The following AIMP1 variants were observed in gnomAD, a reference collection of about 807,000 sequenced individuals.
AIMP1 encodes aminoacyl tRNA synthase complex-interacting multifunctional protein 1.
A neutral mutation model predicts 33.1 loss-of-function variants in AIMP1; 24 were observed. The ratio of observed to expected loss-of-function variants is 0.73; its 90% CI spans 0.53 to 1.02. The LOEUF is 1.02. Ranked by LOEUF, AIMP1 falls within the 50% of genes least tolerant of loss-of-function variation. AIMP1 has a pLI of 0.00. For synonymous variants in AIMP1, 120 were observed against 121.5 expected, an observed-to-expected ratio of 0.99 and a Z score of 0.08; for missense variants, 367 against 364.8, an observed-to-expected ratio of 1.01 and a Z score of -0.05.
intron 5 of AIMP1, among the ~76,000 whole-genome samples, chr4:106,335,525 G>T (rs1392296754): frequency 6.6e-6 from 1 of 152,050 alleles, no homozygotes; most frequent in African/African-American, 2.4e-5. Flanking sequence ...TTTGTAGGTG[G>T]TACATTTTTC....
At chr4:106,347,137 C>T (rs1467708375) in intron 6 of AIMP1, among the ~76,000 whole-genome samples, 1 of 152,104 alleles carries the variant, frequency 6.6e-6, no homozygotes, top group African/African-American at 2.4e-5. Flanking sequence ...AATCCAATCA[C>T]CTCCACCAGG....
At chr4:106,320,516 G>C (rs1454698648) in intron 1 of AIMP1, among the ~76,000 whole-genome samples, 1 of 152,112 alleles carries the variant, frequency 6.6e-6, no homozygotes, top group Non-Finnish European at 1.5e-5. Context: ...CTTACTTAAA[G>C]ACATTCACAT....
chr4:106,316,199 T>G, upstream of AIMP1: 1 of 203,638 alleles, frequency 4.9e-6, no homozygotes, highest in Non-Finnish European at 1.0e-5. Context: ...GATCCGAGCT[T>G]TTCACCCTCT....
intron 6 of AIMP1, among the ~76,000 whole-genome samples, chr4:106,346,978 C>G (rs1226426708): frequency 3.3e-5 from 5 of 152,046 alleles, no homozygotes; most frequent in African/African-American, 4.8e-5. Context: ...TCGTGGCAGT[C>G]AAAGCAAGTC....
intron 6 of AIMP1, among the ~76,000 whole-genome samples, chr4:106,343,004 G>A (rs538564561): frequency 7.3e-5 from 11 of 150,562 alleles, no homozygotes; most frequent in African/African-American, 2.2e-4. Flanking sequence ...TTTTAGGCTC[G>A]AGCCAACCTC....
At chr4:106,345,238 A>G (rs1561034017) in intron 6 of AIMP1, among the ~76,000 whole-genome samples, 1 of 152,182 alleles carries the variant, frequency 6.6e-6, no homozygotes, top group African/African-American at 2.4e-5. Context: ...ATTCTTTATA[A>G]GAAGCCTGTA....
Position 106,328,122 on chromosome 4 carries a change from T to A in AIMP1, c.270T>A (p.Ser90=). Residue 90 remains serine (S), a synonymous_variant, in exon 4 of 7, where the codon TCT becomes TCA. Coordinates refer to ENST00000672341, the MANE Select transcript of AIMP1 (RefSeq NM_001142416.2). ...FPSGTPLHAN[S]MVSENVIQST... ...CTGGTACTCCACTGCACGCTAATTC[T>A]ATGGTTTCTGAAAATGTGATACAGT... is the stretch of plus-strand genomic sequence containing the variant. The A allele has an allele frequency of 6.2e-7, 1 of 1,613,608 alleles. No homozygotes were observed. Among genetic ancestry groups the A allele is most frequent in the African/African-American group, 1.3e-5 (1 of 75,020 alleles).
chr4:106,344,161 C>T (rs1770205019), intron 6 of AIMP1, among the ~76,000 whole-genome samples: 2 of 152,134 alleles, frequency 1.3e-5, no homozygotes, highest in South Asian at 4.1e-4. Flanking sequence ...TTTGATGATT[C>T]TTCCTTACCT....
At chr4:106,338,896 C>G (rs1298443470) in intron 6 of AIMP1, among the ~76,000 whole-genome samples, 3 of 152,174 alleles carry the variant, frequency 2.0e-5, no homozygotes, top group Admixed American at 1.3e-4. Flanking sequence ...GCTGTGGGAG[C>G]CCACCTGTTG....
Position 106,331,807 on chromosome 4 carries a change from T to C in AIMP1, c.527T>C (p.Val176Ala). The change falls in exon 5 of 7, where the codon GTG becomes GCG. Residue 176 changes from valine to alanine, a missense_variant. Coordinates refer to ENST00000672341, the MANE Select transcript of AIMP1 (RefSeq NM_001142416.2). ...CACCCTGATGCAGATTCTTTGTATGTGGAAGAAGTAGATGTCGGAGAAATA... is the reference window on the plus strand; with the variant it reads ...CACCCTGATGCAGATTCTTTGTATGCGGAAGAAGTAGATGTCGGAGAAATA... ...RKHPDADSLY[V>A]EEVDVGEIAP... is the part of the protein sequence containing the mutation. 1 of 1,614,164 alleles carries C rather than the reference T, an allele frequency of 6.2e-7. No individual in the cohort carries two copies. The highest frequency in any genetic ancestry group is 8.5e-7 in the Non-Finnish European group (1 of 1,179,994).
intron 1 of AIMP1, chr4:106,321,471 G>C (rs924458312): frequency 1.3e-5 from 2 of 155,340 alleles, no homozygotes; most frequent in Non-Finnish European, 2.8e-5. Context: ...GTCTCTGACC[G>C]GCTGCCCGGT....
rs184999759 is a variant in AIMP1, at chr4:106,328,175, G to C, written c.323G>C (p.Gly108Ala). 48 of 1,612,974 alleles carry C rather than the reference G, an allele frequency of 3.0e-5. No homozygotes were observed. Among genetic ancestry groups the C allele is most frequent in the Non-Finnish European group, 4.0e-5 (47 of 1,179,486 alleles). The change falls in exon 4 of 7, where the codon GGT becomes GCT. Residue 108 changes from glycine to alanine, a missense_variant. Physicochemically the swap from Gly to Ala is moderately conservative, Grantham distance 60. Coordinates refer to ENST00000672341, the MANE Select transcript of AIMP1 (RefSeq NM_001142416.2). ...QSTAVTTVSS[G>A]TKEQIKGGTG... ...ACAGCAGTAACAACCGTATCTTCTG[G>C]TACCAAAGAACAGATAAAAGGAGGA...
At chr4:106,316,405 C>G, upstream of AIMP1, 1 of 747,464 alleles carries the variant, frequency 1.3e-6, no homozygotes, top group Non-Finnish European at 2.3e-6. Flanking sequence ...AGACGAGGAG[C>G]GTGGTATGGC....
intron 6 of AIMP1, among the ~76,000 whole-genome samples, chr4:106,342,945 C>T (rs1010011103): frequency 6.9e-6 from 1 of 144,416 alleles, no homozygotes; most frequent in Non-Finnish European, 1.5e-5. Context: ...GGTTCTGTAA[C>T]CCAGGTTGGA....
chr4:106,341,073 A>G (rs1770080250), intron 6 of AIMP1, among the ~76,000 whole-genome samples: 1 of 151,916 alleles, frequency 6.6e-6, no homozygotes, highest in Admixed American at 6.6e-5. Flanking sequence ...GTGTCTTTTC[A>G]TGTTCTTTGT....
rs1041406381 is a variant in AIMP1 at position 106,348,518 on chromosome 4, A to G, written c.*826A>G. 3 of 151,706 alleles carry G rather than the reference A, an allele frequency of 2.0e-5. No homozygotes were observed. Among genetic ancestry groups the G allele is most frequent in the African/African-American group, 7.3e-5 (3 of 41,270 alleles). The allele number at this position is 151,706 out of a possible 1,614,324, so 9.4% of individuals were successfully genotyped here. A position where few individuals can be genotyped will look rare whatever the true frequency, so the allele number is the denominator to read the frequency against. On this transcript the variant is annotated 3_prime_UTR_variant, in exon 7 of 7. Coordinates refer to ENST00000672341, the MANE Select transcript of AIMP1 (RefSeq NM_001142416.2). The stretch of plus-strand genomic sequence containing the variant: ...TTACAGACTGATATTTTGCTTTTTC[A>G]TGTGTCATCATACTGTCAGTATATT...
intron 5 of AIMP1, among the ~76,000 whole-genome samples, chr4:106,333,409 A>T (rs1769752822): frequency 6.6e-6 from 1 of 152,208 alleles, no homozygotes; most frequent in Non-Finnish European, 1.5e-5. Context: ...CAGTACGGGT[A>T]ATGGATCAAT....
rs1463792372 is a variant in AIMP1, at chr4:106,327,482, A to C, written c.141A>C (p.Lys47Asn). Residue 47 changes from lysine to asparagine, a missense_variant, in exon 3 of 7, where the codon AAA (lysine) becomes AAC (asparagine). Lys to Asn is a moderately conservative substitution (Grantham distance 94). Transcript: ENST00000672341. ...ILQATLREEK[K>N]LRVENAKLKK... is the part of the protein sequence containing the mutation. ...AGGCAACTTTGAGGGAAGAGAAGAA[A>C]CTTCGAGTTGAAAATGCTAAACTGA... 2 of 1,612,810 alleles carry C rather than the reference A, an allele frequency of 1.2e-6. No homozygotes were observed. The highest frequency in any genetic ancestry group is 2.7e-5 in the African/African-American group (2 of 74,888).
intron 3 of AIMP1, 145 bp downstream of exon 3, chr4:106,327,709 G>T (rs3792717): frequency 1.6e-6 from 1 of 640,648 alleles, no homozygotes; most frequent in Non-Finnish European, 2.7e-6. Flanking sequence ...TCAATAAAAT[G>T]GGGGCATGGA....
Sources: gnomAD v4.1 joint callset for allele counts (sites outside exome capture counted in the v4.1 genomes callset) on GRCh38, gnomAD v4.1.1 for gene constraint, MANE v1.5 for transcripts, NCBI Gene and HGNC (gene_info 2026-07-23, HGNC 2026-07-21) for gene names.